Variants in USP32 observed in about 807,000 individuals in gnomAD.
USP32 encodes ubiquitin carboxyl-terminal hydrolase 32.
USP32 carries 59 observed loss-of-function variants against 204.8 expected under a neutral mutation model. That is an observed-to-expected ratio of 0.29 (90% CI 0.23 to 0.36). The LOEUF is 0.36. Among genes scored for constraint, USP32 ranks in the 10% least tolerant of loss-of-function variants. The probability of loss-of-function intolerance (pLI) is 1.00; values close to 1 mark genes in which losing one functional copy is unlikely to be tolerated. For missense variants in USP32, 1,160 were observed against 1,946.4 expected (o/e 0.60, Z 7.60); for synonymous variants, 517 against 678.4 (o/e 0.76, Z 3.70).
intron 16 of USP32, 116 bp downstream of exon 16, chr17:60,219,554 T>C (rs2085188959): frequency 6.2e-6 from 9 of 1,460,544 alleles, no homozygotes; most frequent in Non-Finnish European, 8.2e-6. Flanking sequence ...AGCAACGTAG[T>C]TTTCACCTTT....
rs2085026108 is a variant in USP32, at chr17:60,213,561, T to C, written c.2104+20A>G. 3.7e-6 allele frequency: 4 copies of C among 1,088,492 alleles called. No homozygotes were observed. Among genetic ancestry groups the C allele is most frequent in the Non-Finnish European group, 5.2e-6 (4 of 769,118 alleles). 67.4% of individuals were successfully genotyped at this position (1,088,492 alleles called of 1,614,324 possible). On this transcript the variant is annotated intron_variant, in intron 18 of 33. Coordinates refer to ENST00000300896, the MANE Select transcript of USP32 (RefSeq NM_032582.4). ...CTTCCCCTTGAAAATTTAATATAGA[T>C]GCATGCTTCCATCTTGTACCTTCAA...
chr17:60,324,943 C>T (rs1306558521), intron 2 of USP32, among the ~76,000 whole-genome samples: 1 of 151,998 alleles, frequency 6.6e-6, no homozygotes, highest in Non-Finnish European at 1.5e-5. Context: ...GCAGAATTTG[C>T]GGTGAGCCGA....
intron 5 of USP32, among the ~76,000 whole-genome samples, chr17:60,273,672 T>C (rs989417313): frequency 2.6e-5 from 4 of 152,002 alleles, no homozygotes; most frequent in African/African-American, 7.2e-5. Flanking sequence ...AATTAGTCAA[T>C]AGAGGGCTGG....
chr17:60,222,615 CCTAG>C, intron 14 of USP32, 66 bp from the exon 15 acceptor site: 2 of 1,503,136 alleles, frequency 1.3e-6, no homozygotes, highest in Non-Finnish European at 1.8e-6. Flanking sequence ...CTCAGCAATA[CCTAG>C]AAACAGGAAA....
intron 1 of USP32, among the ~76,000 whole-genome samples, chr17:60,388,289 T>TCAC (rs1555623768): frequency 7.0e-6 from 1 of 141,912 alleles, no homozygotes; most frequent in African/African-American, 2.7e-5. Flanking sequence ...AGCCGATTCT[T>TCAC]ACACACACAC....
rs750654077 is a variant in USP32, at chr17:60,183,309, G to A, written c.3979C>T (p.Pro1327Ser). The A allele has an allele frequency of 1.2e-6, 2 of 1,614,002 alleles. No individual in the cohort carries two copies. Among genetic ancestry groups the A allele is most frequent in the South Asian group, 1.1e-5 (1 of 91,078 alleles). ...PALCQHKPLT[P>S]QGDELSEPRI... The stretch of plus-strand genomic sequence containing the variant: ...GGCTCAGAGAGCTCATCCCCCTGGG[G>A]TGTGAGTGGTTTATGCTGGCAGAGA... Residue 1327 changes from proline (P) to serine (S), a missense_variant, in exon 31 of 34, where the codon CCC becomes TCC. Around this residue, in one of 8 missense-constraint regions of USP32, gnomAD observed 244 missense variants for 342.3 expected, o/e 0.71. Coordinates refer to ENST00000300896, the MANE Select transcript of USP32 (RefSeq NM_032582.4).
Position 60,211,556 on chromosome 17 carries a change from T to C in USP32, c.2180-42A>G, listed in dbSNP as rs768990170. ...GAGAACCAAAGCTTAGCTGTAGTAA[T>C]ATGCCATGGCACAAACAGTTACTTA... On this transcript the variant is annotated intron_variant, in intron 19 of 33. Coordinates refer to ENST00000300896, the MANE Select transcript of USP32 (RefSeq NM_032582.4). The C allele has an allele frequency of 2.1e-5, 33 of 1,576,544 alleles. No homozygotes were observed. The East Asian group carries it at 6.3e-4, about 30-fold the overall frequency.
rs543073114 is a variant in USP32 at position 60,369,270 on chromosome 17, A to C, written c.58+22612T>G. 1.9e-3 allele frequency among the ~76,000 whole-genome samples: 264 copies of C among 138,300 alleles called. 3 individuals are homozygous for C. The highest frequency in any genetic ancestry group is 3.0e-3 in the Non-Finnish European group (202 of 67,714). 90.7% of individuals were successfully genotyped at this position (138,300 alleles called of 152,430 possible). ...CGGCCTCCCAAAGTGCTGGGATTAC[A>C]GGCGTGAGCCACCGCGCCCGGCCAA... is the stretch of plus-strand genomic sequence containing the variant. On this transcript the variant is annotated intron_variant, in intron 1 of 33. Transcript: ENST00000300896.
rs1265129042 is a variant in USP32 at position 60,294,916 on chromosome 17, C to T, written c.293-115G>A. The T allele has an allele frequency of 6.8e-6, 4 of 587,210 alleles. No individual in the cohort carries two copies. The East Asian group carries it at 8.4e-5, about 12-fold the overall frequency. 36.4% of individuals were successfully genotyped at this position (587,210 alleles called of 1,614,324 possible). A position where few individuals can be genotyped will look rare whatever the true frequency, so the allele number is the denominator to read the frequency against. ...CTGAGTGATTACTAGGGCCAAGCACCTTATAAATATAGTTTATTCCTTAAA... is the reference window on the plus strand; with the variant it reads ...CTGAGTGATTACTAGGGCCAAGCACTTTATAAATATAGTTTATTCCTTAAA... On this transcript the variant is annotated intron_variant, in intron 3 of 33. Coordinates refer to ENST00000300896, the MANE Select transcript of USP32 (RefSeq NM_032582.4).
At chr17:60,356,459 C>G (rs149937692) in intron 1 of USP32, among the ~76,000 whole-genome samples, 7 of 152,250 alleles carry the variant, frequency 4.6e-5, no homozygotes, top group African/African-American at 1.7e-4. Flanking sequence ...GAGTTGCAAA[C>G]TGACTGTACA....
intron 1 of USP32, among the ~76,000 whole-genome samples, chr17:60,347,494 C>T (rs993993812): frequency 4.6e-5 from 7 of 151,912 alleles, no homozygotes; most frequent in Non-Finnish European, 1.0e-4. Flanking sequence ...GCTGGGACTA[C>T]AGGCGCCCGC....
At chr17:60,303,174 A>G (rs1424012992) in intron 2 of USP32, among the ~76,000 whole-genome samples, 1 of 152,198 alleles carries the variant, frequency 6.6e-6, no homozygotes, top group Non-Finnish European at 1.5e-5. Context: ...TTTTTAAAAA[A>G]CCAAATAAAC....
Position 60,392,054 on chromosome 17 carries a change from C to A in USP32, c.-115G>T. ...ACGGTGTCGGCGTCCCCCGCCCCCACCTCCCCCCACACTAACAAGTGCGGC... is the reference window on the plus strand; with the variant it reads ...ACGGTGTCGGCGTCCCCCGCCCCCAACTCCCCCCACACTAACAAGTGCGGC... On this transcript the variant is annotated 5_prime_UTR_variant, in exon 1 of 34. Coordinates refer to ENST00000300896, the MANE Select transcript of USP32 (RefSeq NM_032582.4). The A allele has an allele frequency of 8.0e-7, 1 of 1,251,402 alleles. No individual in the cohort carries two copies. Among genetic ancestry groups the A allele is most frequent in the Non-Finnish European group, 1.1e-6 (1 of 902,624 alleles). 77.5% of individuals were successfully genotyped at this position (1,251,402 alleles called of 1,614,324 possible).
chr17:60,413,289 C>T (rs1413093343), intron 1 of USP32, among the ~76,000 whole-genome samples: 1 of 152,098 alleles, frequency 6.6e-6, no homozygotes, highest in Admixed American at 6.6e-5. Flanking sequence ...AAAAAGAATG[C>T]TGATGTCAGG....
At chr17:60,244,097 G>A (rs1195832507) in intron 11 of USP32, among the ~76,000 whole-genome samples, 2 of 131,570 alleles carry the variant, frequency 1.5e-5, no homozygotes, top group Non-Finnish European at 3.1e-5. Flanking sequence ...GTGCAGTGAC[G>A]CGATCTCGGC....
At chr17:60,405,503 C>A (rs1435698851) in intron 1 of USP32, among the ~76,000 whole-genome samples, 2 of 152,190 alleles carry the variant, frequency 1.3e-5, no homozygotes, top group Non-Finnish European at 2.9e-5. Context: ...CTGTGCCTGG[C>A]TGAAGCTGTT....
In USP32 at chr17:60,288,677, T is replaced by G; in HGVS notation, c.417A>C (p.Glu139Asp). Residue 139 changes from glutamate (E) to aspartate (D), a missense_variant, in exon 5 of 34, where the codon GAA (glutamate) becomes GAC (aspartate). Glu to Asp is a conservative substitution (Grantham distance 45, BLOSUM62 2). Transcript: ENST00000300896. Reference sequence around the variant, plus strand: ...TTCTAAACTTTTCATAGTTTACCTTTTCACCCTAAAATTAAAACAAGAAAA... The same window carrying G: ...TTCTAAACTTTTCATAGTTTACCTTGTCACCCTAAAATTAAAACAAGAAAA... ...DTLRKCFSEG[E>D]KVNYEKFRNW... The G allele has an allele frequency of 6.2e-7, 1 of 1,600,002 alleles. No homozygotes were observed. The highest frequency in any genetic ancestry group is 8.5e-7 in the Non-Finnish European group (1 of 1,176,298).
intron 1 of USP32, among the ~76,000 whole-genome samples, chr17:60,399,947 T>C (rs2089924013): frequency 6.6e-6 from 1 of 152,018 alleles, no homozygotes; most frequent in Non-Finnish European, 1.5e-5. Context: ...GTCACAGGTT[T>C]TGGAATGGAG....
At chr17:60,210,794 T>G (rs1252707409) in intron 21 of USP32, among the ~76,000 whole-genome samples, 4 of 152,298 alleles carry the variant, frequency 2.6e-5, no homozygotes, top group Non-Finnish European at 5.9e-5. Context: ...ACATCCCGAA[T>G]TTAGAGTGTA....
Sources: allele counts gnomAD v4.1 joint callset (sites outside exome capture counted in the v4.1 genomes callset), GRCh38; gene constraint gnomAD v4.1.1; regional missense constraint gnomAD v4.1.1; transcripts MANE v1.5; gene names NCBI Gene and HGNC (gene_info 2026-07-23, HGNC 2026-07-21).